The following DGKA variants were observed in gnomAD, a reference collection of about 807,000 sequenced individuals.
The protein encoded by DGKA is diacylglycerol kinase alpha, also known as 80 kDa diacylglycerol kinase.
DGKA carries 35 observed loss-of-function variants against 105.0 expected under a neutral mutation model. The ratio of observed to expected loss-of-function variants is 0.33; its 90% CI spans 0.25 to 0.44. The LOEUF (loss-of-function observed/expected upper bound fraction) is 0.44. DGKA is among the 20% of genes least tolerant of loss of function. DGKA has a pLI of 1.00. For missense variants in DGKA, 665 were observed against 915.0 expected (o/e 0.73, Z 3.53); for synonymous variants, 296 against 332.0 (o/e 0.89, Z 1.18).
chr12:55,941,319 G>T lies in DGKA; in HGVS notation c.1169G>T (p.Gly390Val). 6.2e-7 allele frequency: 1 copy of T among 1,613,590 alleles called. No individual in the cohort carries two copies. Among genetic ancestry groups the T allele is most frequent in the Non-Finnish European group, 8.5e-7 (1 of 1,179,612 alleles). ...AATCCTAAGAGTGGCGGGAAGCAGG[G>T]GCAAAGGTGAGGAGAAATATATTGG... Reference protein sequence around the residue: ...FVNPKSGGKQGQRVLWKFQYI... With the variant: ...FVNPKSGGKQVQRVLWKFQYI... The change falls in exon 14 of 24, where the codon GGG (glycine) becomes GTG (valine). Residue 390 changes from glycine (G) to valine (V), a missense_variant. By Grantham distance (109) the Gly-to-Val change is moderately radical. Transcript: ENST00000331886.
rs745690761 is a variant in DGKA at position 55,941,345 on chromosome 12, G to A, written c.1175+20G>A. On this transcript the variant is annotated intron_variant, in intron 14 of 23. Coordinates refer to ENST00000331886, the MANE Select transcript of DGKA (RefSeq NM_001345.5). ...GCAAAGGTGAGGAGAAATATATTGG[G>A]TCTTCTAAGATGAGAGGCAGGGCCT... 3.1e-6 allele frequency: 5 copies of A among 1,611,540 alleles called. No homozygotes were observed. In the East Asian group the frequency reaches 6.7e-5, roughly 22 times the overall value.
At position 55,932,354 on chromosome 12, in the gene DGKA, C is replaced by G. The variant is rs1028676135; in HGVS notation, c.-82+1010C>G. 2 of 588,356 alleles carry G rather than the reference C, an allele frequency of 3.4e-6. No homozygotes were observed. The highest frequency in any genetic ancestry group is 1.9e-5 in the African/African-American group (1 of 53,616). 36.4% of individuals were successfully genotyped at this position (588,356 alleles called of 1,614,324 possible). A position where few individuals can be genotyped will look rare whatever the true frequency, so the allele number is the denominator to read the frequency against. ...TCCCAGACCTTCCCCTCCATCCCTC[C>G]CGCTCATTCGGAGGGATGGTGAAGC... On this transcript the variant is annotated intron_variant, in intron 1 of 23. Transcript: ENST00000331886. This position sits in a 1 kb window ranked among gnomAD's most constrained non-coding sequence, Gnocchi z 4.3.
chr12:55,937,396 C>A lies in DGKA; in HGVS notation c.139-12C>A, dbSNP rs760280425. On this transcript the variant is annotated splice_polypyrimidine_tract_variant and intron_variant, in intron 3 of 23. Transcript: ENST00000331886. ...TGCAGACTCCCCAGGATAATGCTCA[C>A]TCTCATTATAGGCCATTGGGTACGA... 1.2e-6 allele frequency: 2 copies of A among 1,612,848 alleles called. No individual in the cohort carries two copies.
rs77325724 is a variant in DGKA, at chr12:55,940,920, T to G, written c.1041T>G (p.Asn347Lys). 7.9e-4 allele frequency: 1,269 copies of G among 1,614,052 alleles called. 9 individuals are homozygous for G. The African/African-American group carries it at 0.015, about 19-fold the overall frequency. Reference protein sequence around the residue: ...SVLASGPDRKNSKTSQKTMDD... With the variant: ...SVLASGPDRKKSKTSQKTMDD... ...AGGCCTCTGGACCGGATCGTAAAAA[T>G]AGCAAAACAAGCCAGAAGACCATGG... Residue 347 changes from asparagine to lysine, a missense_variant, in exon 13 of 24, where the codon AAT becomes AAG. Physicochemically the swap from Asn to Lys is moderately conservative, Grantham distance 94. Coordinates refer to ENST00000331886, the MANE Select transcript of DGKA (RefSeq NM_001345.5). The surrounding 1 kb of genome is among the most constrained non-coding windows in gnomAD (Gnocchi z 4.3).
Position 55,938,524 on chromosome 12 carries a change from G to A in DGKA, c.363G>A (p.Leu121=). The part of the protein sequence containing the change: ...PEDKLEFTFK[L]YDTDRNGILD... ...AACACCCCACAGTCACCTTCAAGCT[G>A]TACGACACGGACAGAAATGGGATCC... The change falls in exon 6 of 24, where the codon CTG becomes CTA. Residue 121 remains leucine, a synonymous_variant. Coordinates refer to ENST00000331886, the MANE Select transcript of DGKA (RefSeq NM_001345.5). The A allele has an allele frequency of 6.2e-7, 1 of 1,614,120 alleles. No homozygotes were observed. The highest frequency in any genetic ancestry group is 8.5e-7 in the Non-Finnish European group (1 of 1,180,014).
chr12:55,938,207 G>A, intron 5 of DGKA, 155 bp downstream of exon 5: 1 of 731,512 alleles, frequency 1.4e-6, no homozygotes, highest in Non-Finnish European at 2.3e-6. Context: ...TGTTCTCCCA[G>A]ACTATTTATA....
intron 17 of DGKA, 61 bp downstream of exon 17, chr12:55,942,324 A>G: frequency 8.6e-6 from 13 of 1,518,896 alleles, no homozygotes; most frequent in Non-Finnish European, 1.2e-5. Context: ...AGGGAAAGGC[A>G]CTTAGAGAAG....
At chr12:55,937,318 A>C in intron 3 of DGKA, 90 bp from the exon 4 acceptor site, 2 of 1,479,836 alleles carry the variant, frequency 1.4e-6, no homozygotes, top group Non-Finnish European at 1.9e-6. Flanking sequence ...TCAGCTCTGC[A>C]TTTATTATCC....
chr12:55,952,658 G>A lies in DGKA; in HGVS notation c.1744-76G>A, dbSNP rs1888389840. 4.6e-6 allele frequency: 7 copies of A among 1,518,392 alleles called. No homozygotes were observed. The highest frequency in any genetic ancestry group is 6.4e-6 in the Non-Finnish European group (7 of 1,098,766). 94.1% of individuals were successfully genotyped at this position (1,518,392 alleles called of 1,614,324 possible). A position where few individuals can be genotyped will look rare whatever the true frequency, so the allele number is the denominator to read the frequency against. On this transcript the variant is annotated intron_variant, in intron 20 of 23. Coordinates refer to ENST00000331886, the MANE Select transcript of DGKA (RefSeq NM_001345.5). This position sits in a 1 kb window ranked among gnomAD's most constrained non-coding sequence, Gnocchi z 5.1. ...TCCAGTTTGTCATCTGGTGGAGGGA[G>A]CGATCACATCTATGATCATGCCATG...
rs1354450467 is a variant in DGKA at position 55,932,563 on chromosome 12, G to T, written c.-82+1219G>T. 2 of 702,164 alleles carry T rather than the reference G, an allele frequency of 2.8e-6. No homozygotes were observed. Among genetic ancestry groups the T allele is most frequent in the African/African-American group, 3.5e-5 (2 of 57,192 alleles). 43.5% of individuals were successfully genotyped at this position (702,164 alleles called of 1,614,324 possible). On this transcript the variant is annotated intron_variant, in intron 1 of 23. Transcript: ENST00000331886. The surrounding 1 kb of genome is among the most constrained non-coding windows in gnomAD (Gnocchi z 4.3). ...AATCTCACTTTTCACCTTGATAGGA[G>T]AAATGAGCCTTCCTGAGGAAGAATG...
chr12:55,938,660 T>TG (rs1479902218), intron 6 of DGKA, 100 bp downstream of exon 6: 2 of 1,607,780 alleles, frequency 1.2e-6, no homozygotes, highest in Non-Finnish European at 1.7e-6. Flanking sequence ...CAGAAGAGGA[T>TG]GGGGGGAGAG....
chr12:55,948,793 G>A (rs1202836138), intron 17 of DGKA, among the ~76,000 whole-genome samples: 1 of 151,928 alleles, frequency 6.6e-6, no homozygotes, highest in African/African-American at 2.4e-5. Context: ...GGAGGCCAAG[G>A]TGGGTGGATC....
intron 17 of DGKA, among the ~76,000 whole-genome samples, chr12:55,948,231 C>T (rs1887436232): frequency 6.6e-6 from 1 of 150,812 alleles, no homozygotes; most frequent in South Asian, 2.1e-4. Context: ...GAAACCCCGT[C>T]TCTACTAAAA....
chr12:55,952,654 G>A lies in DGKA; in HGVS notation c.1744-80G>A. 1 of 1,512,080 alleles carries A rather than the reference G, an allele frequency of 6.6e-7. No individual in the cohort carries two copies. Among genetic ancestry groups the A allele is most frequent in the Non-Finnish European group, 9.1e-7 (1 of 1,093,946 alleles). The allele number at this position is 1,512,080 out of a possible 1,614,324, so 93.7% of individuals were successfully genotyped here. On this transcript the variant is annotated intron_variant, in intron 20 of 23. Coordinates refer to ENST00000331886, the MANE Select transcript of DGKA (RefSeq NM_001345.5). The surrounding 1 kb of genome is among the most constrained non-coding windows in gnomAD (Gnocchi z 5.1). ...CTTCTCCAGTTTGTCATCTGGTGGA[G>A]GGAGCGATCACATCTATGATCATGC...
chr12:55,931,783 G>A, intron 1 of DGKA: 1 of 152,564 alleles, frequency 6.6e-6, no homozygotes. Flanking sequence ...AGAAAGAAGG[G>A]AAAATAGAAG....
Position 55,939,488 on chromosome 12 carries a change from A to T in DGKA, c.668A>T (p.Glu223Val). The change falls in exon 9 of 24, where the codon GAG (glutamate) becomes GTG (valine). Residue 223 changes from glutamate (E) to valine (V), a missense_variant. Physicochemically the swap from Glu to Val is moderately radical, Grantham distance 121. Coordinates refer to ENST00000331886, the MANE Select transcript of DGKA (RefSeq NM_001345.5). Reference sequence around the variant, plus strand: ...AGACCAGTCTACTGCAATCTGTGCGAGTCAAGCATTGGTCTTGGCAAACAG... The same window carrying T: ...AGACCAGTCTACTGCAATCTGTGCGTGTCAAGCATTGGTCTTGGCAAACAG... ...FPRPVYCNLC[E>V]SSIGLGKQGL... The T allele has an allele frequency of 6.2e-7, 1 of 1,614,182 alleles. No individual in the cohort carries two copies. The highest frequency in any genetic ancestry group is 8.5e-7 in the Non-Finnish European group (1 of 1,180,034).
intron 13 of DGKA, 61 bp from the exon 14 acceptor site, chr12:55,941,191 G>T (rs1317831858): frequency 4.5e-6 from 7 of 1,547,782 alleles, no homozygotes; most frequent in Admixed American, 1.8e-5. Context: ...TGTCTCCTGG[G>T]CCCACCTTAA....
At chr12:55,934,267 G>A (rs1301094920) in intron 1 of DGKA, among the ~76,000 whole-genome samples, 1 of 152,098 alleles carries the variant, frequency 6.6e-6, no homozygotes, top group Non-Finnish European at 1.5e-5. Context: ...CTAGAACTTT[G>A]GAGTCATCTT....
rs1565735358 is a variant in DGKA at position 55,937,445 on chromosome 12, T to C, written c.176T>C (p.Ile59Thr). ...GYEGFQQFLK[I>T]YLEVDNVPRH... is the part of the protein sequence containing the mutation. ...GAGGGATTCCAGCAATTCCTGAAAA[T>C]CTATCTCGAAGTGGATAATGTTCCC... is the stretch of plus-strand genomic sequence containing the variant. The change falls in exon 4 of 24, where the codon ATC becomes ACC. Residue 59 changes from isoleucine to threonine, a missense_variant. Transcript: ENST00000331886. 2 of 1,614,126 alleles carry C rather than the reference T, an allele frequency of 1.2e-6. No individual in the cohort carries two copies. Among genetic ancestry groups the C allele is most frequent in the Non-Finnish European group, 1.7e-6 (2 of 1,180,028 alleles).
Sources: allele counts gnomAD v4.1 joint callset (sites outside exome capture counted in the v4.1 genomes callset), GRCh38; gene constraint gnomAD v4.1.1; non-coding constraint Gnocchi (gnomAD v3.1); transcripts MANE v1.5; gene names NCBI Gene and HGNC (gene_info 2026-07-23, HGNC 2026-07-21).